Variants in PCDHGA1 observed in about 807,000 individuals in gnomAD.
The protein encoded by PCDHGA1 is protocadherin gamma-A1.
Under a neutral mutation model 58.0 loss-of-function variants are expected in PCDHGA1, and 32 were observed. The observed-to-expected ratio is 0.55, with a 90% confidence interval of 0.42 to 0.74. The LOEUF is 0.74. Ranked by LOEUF, PCDHGA1 falls within the 30% of genes least tolerant of loss-of-function variation. PCDHGA1 has a pLI of 0.00. For synonymous variants in PCDHGA1, 498 were observed against 501.1 expected (o/e 0.99, Z 0.08); for missense variants, 1,205 against 1,182.3 (o/e 1.02, Z -0.28).
intron 1 of PCDHGA1, chr5:141,356,342 T>A: frequency 6.4e-7 from 1 of 1,555,016 alleles, no homozygotes; most frequent in Non-Finnish European, 8.7e-7. Context: ...GGAAATGGCC[T>A]AGTCACATGT....
At chr5:141,339,939 A>G (rs1212184967) in intron 1 of PCDHGA1, 2 of 1,614,060 alleles carry the variant, frequency 1.2e-6, no homozygotes, top group African/African-American at 2.7e-5. Context: ...GAAGCTCAGG[A>G]TGGTCCGGGC....
At chr5:141,417,710 TC>T (rs1471403767) in intron 1 of PCDHGA1, 1 of 1,249,228 alleles carries the variant, frequency 8.0e-7, no homozygotes, top group Non-Finnish European at 1.1e-6. Flanking sequence ...ACACAGAGGC[TC>T]CCGGCTGCGC....
At chr5:141,372,411 C>G (rs1768748655) in intron 1 of PCDHGA1, 1 of 1,614,080 alleles carries the variant, frequency 6.2e-7, no homozygotes, top group East Asian at 2.2e-5. Context: ...AGAGATACAA[C>G]CTGACCTTAG....
In PCDHGA1 at chr5:141,340,050, C is replaced by G. The variant is rs763400815; in HGVS notation, c.2421+6945C>G. ...GCTACTAGCTCAGTTTCTGAAGACT[C>G]TCTTCCAGGAACCATAATTGGGCTT... is the stretch of plus-strand genomic sequence containing the variant. On this transcript the variant is annotated intron_variant, in intron 1 of 3. Transcript: ENST00000517417. 7.6e-5 allele frequency: 122 copies of G among 1,614,046 alleles called. 1 individual carries two copies. Among genetic ancestry groups the G allele is most frequent in the Non-Finnish European group, 1.0e-4 (118 of 1,180,038 alleles).
rs2097536640 is a variant in PCDHGA1 at position 141,432,779 on chromosome 5, G to C, written c.2422-62028G>C. 3 of 1,614,170 alleles carry C rather than the reference G, an allele frequency of 1.9e-6. No individual in the cohort carries two copies. The highest frequency in any genetic ancestry group is 2.5e-6 in the Non-Finnish European group (3 of 1,180,002). On this transcript the variant is annotated intron_variant, in intron 1 of 3. Coordinates refer to ENST00000517417, the MANE Select transcript of PCDHGA1 (RefSeq NM_018912.3). The surrounding 1 kb of genome is among the most constrained non-coding windows in gnomAD (Gnocchi z 6.0). Reference sequence around the variant, plus strand: ...CGACAGCATCCCCCAAGTCCTGGCGGACCTCGGCAGCCTCGAGTCTCCAGC... The same window carrying C: ...CGACAGCATCCCCCAAGTCCTGGCGCACCTCGGCAGCCTCGAGTCTCCAGC...
rs922042985 is a variant in PCDHGA1, at chr5:141,415,768, T to G, written c.2422-79039T>G. 1.6e-5 allele frequency: 22 copies of G among 1,345,224 alleles called. No homozygotes were observed. The African/African-American group carries it at 3.6e-4, about 22-fold the overall frequency. The allele number at this position is 1,345,224 out of a possible 1,614,324, so 83.3% of individuals were successfully genotyped here. ...TTTTTTTTTTTTTTTTTTTTTTTTT[T>G]TTTTACTTTCTGGTAAAATTCACCT... is the stretch of plus-strand genomic sequence containing the variant. On this transcript the variant is annotated intron_variant, in intron 1 of 3. Coordinates refer to ENST00000517417, the MANE Select transcript of PCDHGA1 (RefSeq NM_018912.3).
At chr5:141,400,511 C>T (rs1456963604) in intron 1 of PCDHGA1, 2 of 1,613,824 alleles carry the variant, frequency 1.2e-6, no homozygotes, top group Admixed American at 3.3e-5. Flanking sequence ...GAGTCGACTT[C>T]CCATCCTGAG....
At chr5:141,345,579 G>T (rs751237664) in intron 1 of PCDHGA1, 1 of 1,614,160 alleles carries the variant, frequency 6.2e-7, no homozygotes, top group East Asian at 2.2e-5. Context: ...CGTCCTATAC[G>T]CGCTGAGATC....
At chr5:141,345,059 C>T in intron 1 of PCDHGA1, 2 of 1,613,898 alleles carry the variant, frequency 1.2e-6, no homozygotes, top group Non-Finnish European at 1.7e-6. Flanking sequence ...ATGTGAATGA[C>T]AATGCTCCAG....
intron 1 of PCDHGA1, chr5:141,365,051 C>T: frequency 6.2e-7 from 1 of 1,613,924 alleles, no homozygotes; most frequent in Non-Finnish European, 8.5e-7. Context: ...CAATGCGCCC[C>T]TGTTCACCCC....
At chr5:141,433,607 G>T (rs1209706866) in intron 1 of PCDHGA1, among the ~76,000 whole-genome samples, 1 of 152,080 alleles carries the variant, frequency 6.6e-6, no homozygotes. Flanking sequence ...AGGCCGAGGC[G>T]GGTGGATCAC....
At chr5:141,440,617 C>T (rs1469883341) in intron 1 of PCDHGA1, 1 of 152,168 alleles carries the variant, frequency 6.6e-6, no homozygotes, top group East Asian at 1.9e-4. Context: ...TGCAGAAGAT[C>T]CTGATGTTGA....
intron 1 of PCDHGA1, among the ~76,000 whole-genome samples, chr5:141,473,466 G>A (rs1217251844): frequency 1.3e-5 from 2 of 151,738 alleles, no homozygotes; most frequent in East Asian, 1.9e-4. Flanking sequence ...TTAAAGTTGT[G>A]CCAAGTTCAA....
intron 1 of PCDHGA1, chr5:141,373,932 C>A: frequency 2.9e-6 from 2 of 688,010 alleles, no homozygotes; most frequent in Non-Finnish European, 4.5e-6. Context: ...GACGGGAAAG[C>A]AGGAAAGCTG....
intron 1 of PCDHGA1, among the ~76,000 whole-genome samples, chr5:141,433,513 C>T (rs2097615953): frequency 6.6e-6 from 1 of 152,066 alleles, no homozygotes; most frequent in Non-Finnish European, 1.5e-5. Flanking sequence ...GGATTACAGG[C>T]GTGAACCACA....
At chr5:141,383,596 G>T in intron 1 of PCDHGA1, 1 of 1,613,702 alleles carries the variant, frequency 6.2e-7, no homozygotes, top group Non-Finnish European at 8.5e-7. Context: ...GGTGACAGTG[G>T]TGGATGTGAA....
In PCDHGA1 at chr5:141,393,826, A is replaced by T. The variant is rs1182278213; in HGVS notation, c.2421+60721A>T. 6.2e-7 allele frequency: 1 copy of T among 1,613,988 alleles called. No homozygotes were observed. Among genetic ancestry groups the T allele is most frequent in the African/African-American group, 1.3e-5 (1 of 75,050 alleles). Reference sequence around the variant, plus strand: ...AGGACCAAATTGCTCATTTCGGTGGAAGATGTAAATGACAATAGACCAGAA... The same window carrying T: ...AGGACCAAATTGCTCATTTCGGTGGTAGATGTAAATGACAATAGACCAGAA... On this transcript the variant is annotated intron_variant, in intron 1 of 3. Coordinates refer to ENST00000517417, the MANE Select transcript of PCDHGA1 (RefSeq NM_018912.3).
At position 141,485,343 on chromosome 5, in the gene PCDHGA1, A is replaced by G; in HGVS notation, c.2422-9464A>G. ...GCTCAAGATTTCCTGCTGGATACGG[A>G]CAGTCTGTCAGCTCGCAGGCTGCAG... On this transcript the variant is annotated intron_variant, in intron 1 of 3. Transcript: ENST00000517417. This position sits in a 1 kb window ranked among gnomAD's most constrained non-coding sequence, Gnocchi z 5.7. 1 of 1,614,062 alleles carries G rather than the reference A, an allele frequency of 6.2e-7. No homozygotes were observed. Among genetic ancestry groups the G allele is most frequent in the Non-Finnish European group, 8.5e-7 (1 of 1,179,984 alleles).
chr5:141,371,138 G>C lies in PCDHGA1; in HGVS notation c.2421+38033G>C, dbSNP rs761615775. 4.3e-6 allele frequency: 7 copies of C among 1,613,870 alleles called. No individual in the cohort carries two copies. In the East Asian group the frequency reaches 1.6e-4, roughly 36 times the overall value. On this transcript the variant is annotated intron_variant, in intron 1 of 3. Transcript: ENST00000517417. ...CAGTATTTACTCAGGACATGTACAG[G>C]GTCAATGTTGCAGAGAACCTGCCCG...
Sources: allele counts gnomAD v4.1 joint callset (sites outside exome capture counted in the v4.1 genomes callset), GRCh38; gene constraint gnomAD v4.1.1; non-coding constraint Gnocchi (gnomAD v3.1); transcripts MANE v1.5; gene names NCBI Gene and HGNC (gene_info 2026-07-23, HGNC 2026-07-21).